AKAP11: variants seen among roughly 807,000 people sequenced by gnomAD.
AKAP11 encodes A-kinase anchor protein 11.
AKAP11 carries 36 observed loss-of-function variants against 146.1 expected under a neutral mutation model. The ratio of observed to expected loss-of-function variants is 0.25; its 90% CI spans 0.19 to 0.33. The LOEUF is 0.33. AKAP11 is among the 10% of genes least tolerant of loss of function. AKAP11 has a pLI of 1.00. For missense variants in AKAP11, 2,201 were observed against 2,197.0 expected, an observed-to-expected ratio of 1.00 and a Z score of -0.04; for synonymous variants, 780 against 786.5, an observed-to-expected ratio of 0.99 and a Z score of 0.14.
intron 4 of AKAP11, among the ~76,000 whole-genome samples, chr13:42,293,928 A>G (rs781288864): frequency 6.6e-6 from 1 of 152,240 alleles, no homozygotes; most frequent in Non-Finnish European, 1.5e-5. Flanking sequence ...GTAATGTGCT[A>G]GGCACTTTCC....
Position 42,295,697 on chromosome 13 carries a change from C to A in AKAP11, c.171C>A (p.Val57=). The A allele has an allele frequency of 6.2e-7, 1 of 1,612,192 alleles. No individual in the cohort carries two copies. The highest frequency in any genetic ancestry group is 1.1e-5 in the South Asian group (1 of 90,672). Residue 57 remains valine, a splice_region_variant and synonymous_variant, in exon 5 of 13, where the codon GTC becomes GTA. Transcript: ENST00000025301. ...QQDEHANLTE[V]TFLGFNEETD... is the part of the protein sequence containing the mutation. ...AGGTTTATTTGTTCTTTACTCAGGT[C>A]ACATTTCTGGGTTTTAATGAAGAGA... is the stretch of plus-strand genomic sequence containing the variant.
intron 3 of AKAP11, among the ~76,000 whole-genome samples, chr13:42,291,458 G>C (rs1959212858): frequency 6.6e-6 from 1 of 152,146 alleles, no homozygotes; most frequent in Non-Finnish European, 1.5e-5. Context: ...TCGCTATGTT[G>C]GCCAGGCTGG....
At chr13:42,288,052 T>C (rs1191345231) in intron 3 of AKAP11, among the ~76,000 whole-genome samples, 1 of 152,212 alleles carries the variant, frequency 6.6e-6, no homozygotes, top group Non-Finnish European at 1.5e-5. Context: ...AATCCAGATA[T>C]TACATACTGT....
rs1180982445 is a variant in AKAP11, at chr13:42,298,563, A to G, written c.382A>G (p.Arg128Gly). The change falls in exon 7 of 13, where the codon AGA (arginine) becomes GGA (glycine). Residue 128 changes from arginine to glycine, a missense_variant. Physicochemically the swap from Arg to Gly is moderately radical, Grantham distance 125. Around this residue, in one of 3 missense-constraint regions of AKAP11, gnomAD observed 331 missense variants for 347.4 expected, o/e 0.95. Transcript: ENST00000025301. ...TCCTTCTGGAATGCTTTGTGTCATG[A>G]GAGTGTCACCTACATCACCAAGACT... ...SHPSGMLCVM[R>G]VSPTSPRLRI... 1 of 1,610,840 alleles carries G rather than the reference A, an allele frequency of 6.2e-7. No individual in the cohort carries two copies.
intron 1 of AKAP11, among the ~76,000 whole-genome samples, chr13:42,275,151 A>G (rs1958884241): frequency 6.6e-6 from 1 of 152,218 alleles, no homozygotes; most frequent in Non-Finnish European, 1.5e-5. Flanking sequence ...TTACTCTTCC[A>G]GTTTTTCTCT....
At position 42,303,322 on chromosome 13, in the gene AKAP11, A is replaced by G. The variant is rs779645948; in HGVS notation, c.4576A>G (p.Ser1526Gly). 6.2e-7 allele frequency: 1 copy of G among 1,612,672 alleles called. No individual in the cohort carries two copies. Among genetic ancestry groups the G allele is most frequent in the Non-Finnish European group, 8.5e-7 (1 of 1,180,022 alleles). Residue 1526 changes from serine to glycine, a missense_variant, in exon 8 of 13, where the codon AGT becomes GGT. Ser to Gly is a moderately conservative substitution (Grantham distance 56). Transcript: ENST00000025301. The stretch of plus-strand genomic sequence containing the variant: ...TCACAGGTTTTACCACAGCACTGGC[A>G]GTTTAAATGGATATGGTTGTGGAGA... ...QNHRFYHSTG[S>G]LNGYGCGDNV...
At chr13:42,310,724 T>TG (rs2138674030) in intron 9 of AKAP11, among the ~76,000 whole-genome samples, 1 of 152,086 alleles carries the variant, frequency 6.6e-6, no homozygotes, top group Non-Finnish European at 1.5e-5. Flanking sequence ...CCAGGCGTGG[T>TG]GGCAGGCACC....
rs1233750711 is a variant in AKAP11 at position 42,322,482 on chromosome 13, T to C, written c.*3254T>C. On this transcript the variant is annotated 3_prime_UTR_variant, in exon 13 of 13. Coordinates refer to ENST00000025301, the MANE Select transcript of AKAP11 (RefSeq NM_016248.4). The stretch of plus-strand genomic sequence containing the variant: ...ATTAATATATTCAATTTCCCATCAG[T>C]ATATCACTTTAAATTTTATGTTTTT... 2.0e-5 allele frequency: 3 copies of C among 152,296 alleles called. No individual in the cohort carries two copies. Among genetic ancestry groups the C allele is most frequent in the Non-Finnish European group, 4.4e-5 (3 of 67,984 alleles). The allele number at this position is 152,296 out of a possible 1,614,324, so 9.4% of individuals were successfully genotyped here.
chr13:42,317,753 T>C, intron 12 of AKAP11, 65 bp downstream of exon 12: 2 of 1,535,750 alleles, frequency 1.3e-6, no homozygotes, highest in Non-Finnish European at 1.8e-6. Flanking sequence ...TGTCATGTGA[T>C]TGGTCTAACA....
At chr13:42,277,575 A>G (rs1958955728) in intron 1 of AKAP11, among the ~76,000 whole-genome samples, 1 of 152,252 alleles carries the variant, frequency 6.6e-6, no homozygotes, top group African/African-American at 2.4e-5. Flanking sequence ...CTGTTTGGGA[A>G]AACAAAAGTG....
upstream of AKAP11, among the ~76,000 whole-genome samples, chr13:42,271,862 CGCGGGCTGCTCCGCGGGCTGCACT>C (rs1299948053): frequency 5.9e-5 from 9 of 151,346 alleles, no homozygotes; most frequent in East Asian, 2.0e-4. Context: ...GGGGCTGCCC[CGCGGGCTGCTCCGCGGGCTGCACT>C]GGAGCACGTG....
At chr13:42,279,020 TG>T (rs1407669855) in intron 1 of AKAP11, among the ~76,000 whole-genome samples, 4 of 152,154 alleles carry the variant, frequency 2.6e-5, no homozygotes, top group Non-Finnish European at 5.9e-5. Flanking sequence ...CTGTTGTCCT[TG>T]GTTCCTCTGT....
At chr13:42,315,420 AGT>A (rs1960772505) in intron 11 of AKAP11, among the ~76,000 whole-genome samples, 1 of 152,190 alleles carries the variant, frequency 6.6e-6, no homozygotes, top group Non-Finnish European at 1.5e-5. Context: ...TCACTAAAAA[AGT>A]GTTGACTTTG....
In AKAP11 at chr13:42,308,562, A is replaced by G. The variant is rs775556691; in HGVS notation, c.5226A>G (p.Glu1742=). Residue 1742 remains glutamate, a synonymous_variant, in exon 9 of 13, where the codon GAA becomes GAG. Transcript: ENST00000025301. ...GTAGCTGGTCCAATTTAAGTTTTGA[A>G]GATGAACACCAAGATGAAAGCAGCA... ...STGSWSNLSF[E]DEHQDESSSF... is the part of the protein sequence containing the mutation. 12 of 1,613,334 alleles carry G rather than the reference A, an allele frequency of 7.4e-6. No individual in the cohort carries two copies. Among genetic ancestry groups the G allele is most frequent in the Admixed American group, 3.3e-5 (2 of 59,968 alleles).
chr13:42,277,066 T>G (rs1370672566), intron 1 of AKAP11, among the ~76,000 whole-genome samples: 1 of 152,246 alleles, frequency 6.6e-6, no homozygotes, highest in Non-Finnish European at 1.5e-5. Flanking sequence ...GTTGTTGCAT[T>G]TTTTTGTAGG....
chr13:42,309,514 A>G (rs1045239340), intron 9 of AKAP11, among the ~76,000 whole-genome samples: 3 of 152,188 alleles, frequency 2.0e-5, no homozygotes, highest in Non-Finnish European at 4.4e-5. Context: ...AGGAAAGGAA[A>G]TGGCTTTTCA....
intron 11 of AKAP11, among the ~76,000 whole-genome samples, chr13:42,314,224 C>A (rs370930672): frequency 6.6e-6 from 1 of 152,158 alleles, no homozygotes; most frequent in African/African-American, 2.4e-5. Context: ...GTGGGTGGAT[C>A]GCATGAGGCC....
rs749669002 is a variant in AKAP11 at position 42,301,843 on chromosome 13, A to C, written c.3097A>C (p.Lys1033Gln). ...LPSCPAVTGQ[K>Q]SDLKESAKDQ... is the part of the protein sequence containing the mutation. ...ATCTTGTCCAGCTGTGACAGGTCAG[A>C]AATCTGACTTGAAGGAATCTGCTAA... is the stretch of plus-strand genomic sequence containing the variant. Residue 1033 changes from lysine to glutamine, a missense_variant, in exon 8 of 13, where the codon AAA becomes CAA. By Grantham distance (53) the Lys-to-Gln change is moderately conservative. Around this residue, in one of 3 missense-constraint regions of AKAP11, gnomAD observed 1,867 missense variants for 1,833.5 expected, o/e 1.02. Coordinates refer to ENST00000025301, the MANE Select transcript of AKAP11 (RefSeq NM_016248.4). 2 of 1,614,184 alleles carry C rather than the reference A, an allele frequency of 1.2e-6. No individual in the cohort carries two copies. Among genetic ancestry groups the C allele is most frequent in the Admixed American group, 3.3e-5 (2 of 60,018 alleles).
chr13:42,287,958 G>A (rs1959179335), intron 3 of AKAP11, among the ~76,000 whole-genome samples: 1 of 152,112 alleles, frequency 6.6e-6, no homozygotes, highest in African/African-American at 2.4e-5. Flanking sequence ...GTTATTCAAC[G>A]TATTGTCCAT....
Sources: gnomAD v4.1 joint callset for allele counts (sites outside exome capture counted in the v4.1 genomes callset) on GRCh38, gnomAD v4.1.1 for gene constraint, gnomAD v4.1.1 regional missense constraint, MANE v1.5 for transcripts, NCBI Gene and HGNC (gene_info 2026-07-23, HGNC 2026-07-21) for gene names.